FLT3: variants seen among roughly 807,000 people sequenced by gnomAD.
The protein encoded by FLT3 is fms related receptor tyrosine kinase 3, also known as receptor-type tyrosine-protein kinase FLT3.
A neutral mutation model predicts 126.6 loss-of-function variants in FLT3; 46 were observed. That is an observed-to-expected ratio of 0.36 (90% CI 0.29 to 0.46). FLT3 has a LOEUF of 0.46. FLT3 is among the 20% of genes least tolerant of loss of function. The probability of loss-of-function intolerance (pLI) is 1.00; values close to 1 mark genes in which losing one functional copy is unlikely to be tolerated. For synonymous variants in FLT3, 404 were observed against 434.4 expected (o/e 0.93, Z 0.87); for missense variants, 1,069 against 1,190.3 (o/e 0.90, Z 1.50).
intron 23 of FLT3, among the ~76,000 whole-genome samples, chr13:28,011,040 G>A (rs899912992): frequency 4.0e-5 from 6 of 151,234 alleles, no homozygotes; most frequent in African/African-American, 1.2e-4. Flanking sequence ...GGCCAGGTGG[G>A]GTGGCTCACG....
intron 23 of FLT3, among the ~76,000 whole-genome samples, chr13:28,005,308 G>A (rs991699117): frequency 3.3e-5 from 5 of 151,040 alleles, no homozygotes; most frequent in East Asian, 3.9e-4. Context: ...CAGCCTGGGT[G>A]ACAGAGCAAG....
At chr13:28,007,075 T>C (rs762221166) in intron 23 of FLT3, among the ~76,000 whole-genome samples, 16 of 152,034 alleles carry the variant, frequency 1.1e-4, no homozygotes, top group Non-Finnish European at 2.1e-4. Flanking sequence ...GATAACATCA[T>C]AAAAGTGACC....
chr13:28,043,264 A>G (rs1874546604), intron 9 of FLT3, among the ~76,000 whole-genome samples: 1 of 152,194 alleles, frequency 6.6e-6, no homozygotes, highest in African/African-American at 2.4e-5. Flanking sequence ...TAGAGATAGG[A>G]AATTATACAA....
intron 1 of FLT3, among the ~76,000 whole-genome samples, chr13:28,094,824 TCCTTCA>T (rs976712428): frequency 6.6e-6 from 1 of 152,198 alleles, no homozygotes; most frequent in African/African-American, 2.4e-5. Flanking sequence ...TTTTAAAATT[TCCTTCA>T]CATGTGTTGG....
Position 28,023,985 on chromosome 13 carries a change from TCTC to T in FLT3, c.2291-511_2291-509del, listed in dbSNP as rs1435084750. Among the ~76,000 whole-genome samples the T allele has an allele frequency of 8.6e-5, 13 of 152,014 alleles. No individual in the cohort carries two copies. In the East Asian group the frequency reaches 2.5e-3, roughly 29 times the overall value. On this transcript the variant is annotated intron_variant, in intron 18 of 23. Coordinates refer to ENST00000241453, the MANE Select transcript of FLT3 (RefSeq NM_004119.3). Reference sequence around the variant, plus strand: ...ACCGTGTTAGCCAGGATGGTCTTGATCTCCTGACCTCGTGATCCACCCACCTGA... The same window carrying T: ...ACCGTGTTAGCCAGGATGGTCTTGATCTGACCTCGTGATCCACCCACCTGA...
intron 2 of FLT3, among the ~76,000 whole-genome samples, chr13:28,066,403 T>C (rs1370674607): frequency 6.6e-6 from 1 of 152,136 alleles, no homozygotes; most frequent in African/African-American, 2.4e-5. Context: ...CAGTGCTCTT[T>C]GGAGAAGTGC....
intron 1 of FLT3, among the ~76,000 whole-genome samples, chr13:28,082,538 T>G (rs555517839): frequency 6.6e-6 from 1 of 151,656 alleles, no homozygotes; most frequent in South Asian, 2.1e-4. Context: ...CTGTGTCACC[T>G]AGGATGGAGT....
intron 19 of FLT3, among the ~76,000 whole-genome samples, chr13:28,021,250 T>G (rs1486565635): frequency 3.3e-5 from 5 of 151,972 alleles, no homozygotes; most frequent in African/African-American, 1.2e-4. Flanking sequence ...ATTAGCCAGG[T>G]GTGGTGGTGC....
intron 3 of FLT3, among the ~76,000 whole-genome samples, chr13:28,057,677 G>A (rs1274966432): frequency 2.0e-5 from 3 of 152,130 alleles, no homozygotes; most frequent in Non-Finnish European, 4.4e-5. Context: ...CCTTGAGGGT[G>A]GGAGAGCTCC....
rs80287309 is a variant in FLT3, at chr13:28,015,931, G to A, written c.2542-230C>T. Among the ~76,000 whole-genome samples the A allele has an allele frequency of 4.6e-5, 7 of 152,246 alleles. No individual in the cohort carries two copies. The East Asian group carries it at 1.4e-3, about 29-fold the overall frequency. On this transcript the variant is annotated intron_variant, in intron 20 of 23. Transcript: ENST00000241453. ...TACAACTCCTCTCGAACAAAGGCTT[G>A]TGCTTGGAATGGGTAAGTTTAACTT...
chr13:28,050,641 G>C (rs1875357657), intron 5 of FLT3, among the ~76,000 whole-genome samples: 1 of 151,996 alleles, frequency 6.6e-6, no homozygotes, highest in African/African-American at 2.4e-5. Flanking sequence ...GTAAGGGAGG[G>C]GGAAGCTAAA....
Position 28,070,478 on chromosome 13 carries a change from A to T in FLT3, c.165+13T>A. On this transcript the variant is annotated intron_variant, in intron 2 of 23. Transcript: ENST00000241453. ...GAAAAACAGCTAAAGGTATAATTTTAATGTTACTTTACCATGGGATATGAT... is the reference window on the plus strand; with the variant it reads ...GAAAAACAGCTAAAGGTATAATTTTTATGTTACTTTACCATGGGATATGAT... 1 of 1,604,564 alleles carries T rather than the reference A, an allele frequency of 6.2e-7. No homozygotes were observed. The highest frequency in any genetic ancestry group is 8.5e-7 in the Non-Finnish European group (1 of 1,174,514).
chr13:28,040,543 A>G (rs569378846), intron 9 of FLT3, among the ~76,000 whole-genome samples: 1 of 151,738 alleles, frequency 6.6e-6, no homozygotes, highest in South Asian at 2.1e-4. Flanking sequence ...CTCTACAAAA[A>G]AAATCCACAA....
At chr13:28,016,276 CT>C (rs5802457) in intron 20 of FLT3, among the ~76,000 whole-genome samples, 67,015 of 148,698 alleles carry the variant, frequency 0.45, 15,407 homozygotes, top group African/African-American at 0.57. Flanking sequence ...TTTTCTTTCT[CT>C]TTTTTTTTTT....
Position 28,088,678 on chromosome 13 carries a change from G to A in FLT3, c.43+11790C>T, listed in dbSNP as rs900971998. ...TTGGCTCACTGCAACCTCCACCCCC[G>A]GGTTCAAGCGATTCTCCTGCCTCAG... On this transcript the variant is annotated intron_variant, in intron 1 of 23. Transcript: ENST00000241453. 5.0e-5 allele frequency among the ~76,000 whole-genome samples: 7 copies of A among 138,794 alleles called. No individual in the cohort carries two copies. The East Asian group carries it at 8.9e-4, about 18-fold the overall frequency. The allele number at this position is 138,794 out of a possible 152,430, so 91.1% of individuals were successfully genotyped here.
chr13:28,099,007 C>T lies in FLT3; in HGVS notation c.43+1461G>A, dbSNP rs561813588. The stretch of plus-strand genomic sequence containing the variant: ...GAATTGCTCTATATCTCAGTCTGAT[C>T]GTGGTTATTTGGGCACGTACATATG... On this transcript the variant is annotated intron_variant, in intron 1 of 23. Coordinates refer to ENST00000241453, the MANE Select transcript of FLT3 (RefSeq NM_004119.3). Among the ~76,000 whole-genome samples, 314 of 152,138 alleles carry T rather than the reference C, an allele frequency of 2.1e-3. 2 individuals are homozygous for T. Among genetic ancestry groups the T allele is most frequent in the South Asian group, 4.0e-3 (19 of 4,810 alleles).
intron 17 of FLT3, chr13:28,025,492 G>T: frequency 2.8e-6 from 1 of 362,594 alleles, no homozygotes; most frequent in Non-Finnish European, 5.4e-6. Flanking sequence ...AGCTCTGTAG[G>T]AATTATAAGT....
intron 4 of FLT3, among the ~76,000 whole-genome samples, chr13:28,054,248 T>C (rs1446000719): frequency 6.6e-6 from 1 of 152,180 alleles, no homozygotes; most frequent in Non-Finnish European, 1.5e-5. Flanking sequence ...CCAAGACTTC[T>C]TAATTTTCAG....
intron 20 of FLT3, among the ~76,000 whole-genome samples, chr13:28,017,993 T>C (rs1413784312): frequency 1.3e-5 from 2 of 152,196 alleles, no homozygotes; most frequent in African/African-American, 4.8e-5. Flanking sequence ...TCTTCCTGTG[T>C]TAACAGTAAA....
Sources: allele counts gnomAD v4.1 joint callset (sites outside exome capture counted in the v4.1 genomes callset), GRCh38; gene constraint gnomAD v4.1.1; transcripts MANE v1.5; gene names NCBI Gene and HGNC (gene_info 2026-07-23, HGNC 2026-07-21).